BICRA: variants seen among roughly 807,000 people sequenced by gnomAD.
The protein encoded by BICRA is BRD4-interacting chromatin-remodeling complex-associated protein.
A neutral mutation model predicts 96.9 loss-of-function variants in BICRA; 31 were observed. The ratio of observed to expected loss-of-function variants is 0.32; its 90% CI spans 0.24 to 0.43. The LOEUF (loss-of-function observed/expected upper bound fraction) is 0.43, where lower values mean the gene tolerates loss of function less well. Among genes scored for constraint, BICRA ranks in the 20% least tolerant of loss-of-function variants. The pLI is 1.00. For synonymous variants in BICRA, 1,350 were observed against 1,071.8 expected, an observed-to-expected ratio of 1.26 and a Z score of -5.07; for missense variants, 2,283 against 2,190.3, an observed-to-expected ratio of 1.04 and a Z score of -0.84.
chr19:47,670,959 A>C (rs10420569), intron 2 of BICRA, among the ~76,000 whole-genome samples: 1 of 151,520 alleles, frequency 6.6e-6, no homozygotes, highest in East Asian at 2.0e-4. Flanking sequence ...CCCGGGAGGC[A>C]CCTCCCCGGG....
At chr19:47,650,663 G>C (rs1014788587) in intron 1 of BICRA, among the ~76,000 whole-genome samples, 1 of 152,204 alleles carries the variant, frequency 6.6e-6, no homozygotes, top group Non-Finnish European at 1.5e-5. Flanking sequence ...GCCCATAGCT[G>C]CCACTTCAGT....
Position 47,680,992 on chromosome 19 carries a change from C to T in BICRA, c.1822C>T (p.Pro608Ser). The change falls in exon 6 of 15, where the codon CCT becomes TCT. Residue 608 changes from proline (P) to serine (S), a missense_variant. Pro to Ser is a moderately conservative substitution (Grantham distance 74). Transcript: ENST00000594866. Reference sequence around the variant, plus strand: ...CGACGGCCTGGTGCAGCCGGCCACCCCTGCCGCTGCCACCGGGGAGGCCGC... The same window carrying T: ...CGACGGCCTGGTGCAGCCGGCCACCTCTGCCGCTGCCACCGGGGAGGCCGC... ...TPDGLVQPAT[P>S]AAATGEAAPV... 6.8e-7 allele frequency: 1 copy of T among 1,461,574 alleles called. No individual in the cohort carries two copies. The highest frequency in any genetic ancestry group is 9.0e-7 in the Non-Finnish European group (1 of 1,115,916). The allele number at this position is 1,461,574 out of a possible 1,614,324, so 90.5% of individuals were successfully genotyped here. A position where few individuals can be genotyped will look rare whatever the true frequency, so the allele number is the denominator to read the frequency against.
Position 47,699,032 on chromosome 19 carries a change from T to C in BICRA, c.3465T>C (p.Tyr1155=), listed in dbSNP as rs761580518. 2.6e-5 allele frequency: 41 copies of C among 1,580,704 alleles called. No homozygotes were observed. Among genetic ancestry groups the C allele is most frequent in the Non-Finnish European group, 3.2e-5 (37 of 1,164,004 alleles). Residue 1155 remains tyrosine, a synonymous_variant, in exon 13 of 15, where the codon TAT becomes TAC. Coordinates refer to ENST00000594866, the MANE Select transcript of BICRA (RefSeq NM_001394372.1). This position sits in a 1 kb window ranked among gnomAD's most constrained non-coding sequence, Gnocchi z 5.0. The part of the protein sequence containing the change: ...LKRTQAMLNK[Y]RLLLLEESRR... ...GCACCCAGGCCATGCTCAATAAATA[T>C]CGGCTCCTGCTCCTGGAGGAGTCCC...
rs562607571 is a variant in BICRA at position 47,644,302 on chromosome 19, G to A, written c.-107-26141G>A. ...AGGCTCCCACGGTGTTGGGATTACA[G>A]GTGTGAGCCACTGCACCTGGCCCAG... On this transcript the variant is annotated intron_variant, in intron 1 of 14. Transcript: ENST00000594866. Among the ~76,000 whole-genome samples, 3 of 152,068 alleles carry A rather than the reference G, an allele frequency of 2.0e-5. No individual in the cohort carries two copies. In the East Asian group the frequency reaches 5.8e-4, roughly 29 times the overall value.
chr19:47,660,534 T>G (rs1481548183), intron 1 of BICRA, among the ~76,000 whole-genome samples: 1 of 152,212 alleles, frequency 6.6e-6, no homozygotes, highest in Non-Finnish European at 1.5e-5. Flanking sequence ...AGAGCTTAAC[T>G]TCTAGGCGTC....
Position 47,694,320 on chromosome 19 carries a change from C to T in BICRA, c.2489C>T (p.Thr830Ile). 8.8e-7 allele frequency: 1 copy of T among 1,139,998 alleles called. No individual in the cohort carries two copies. Among genetic ancestry groups the T allele is most frequent in the East Asian group, 2.6e-5 (1 of 38,036 alleles). 70.6% of individuals were successfully genotyped at this position (1,139,998 alleles called of 1,614,324 possible). A position where few individuals can be genotyped will look rare whatever the true frequency, so the allele number is the denominator to read the frequency against. ...TGCCCCCCACCCCAGGCCCCCCCAA[C>T]TCTGCCTGGCATCTTTGTCATCCAA... ...HPCPPPQAPP[T>I]LPGIFVIQNQ... The change falls in exon 8 of 15, where the codon ACT becomes ATT. Residue 830 changes from threonine to isoleucine, a missense_variant. By Grantham distance (89) the Thr-to-Ile change is moderately conservative. Transcript: ENST00000594866.
intron 7 of BICRA, among the ~76,000 whole-genome samples, chr19:47,693,301 C>G (rs1973268178): frequency 6.6e-6 from 1 of 152,248 alleles, no homozygotes; most frequent in Non-Finnish European, 1.5e-5. Flanking sequence ...TGTGACAGAA[C>G]TAGCACCAGA....
intron 1 of BICRA, among the ~76,000 whole-genome samples, chr19:47,650,005 A>G (rs2123547084): frequency 6.6e-6 from 1 of 152,196 alleles, no homozygotes; most frequent in African/African-American, 2.4e-5. Context: ...GAACTGGAGT[A>G]CAGTGGCACA....
At chr19:47,630,470 C>T (rs1023435272) in intron 1 of BICRA, among the ~76,000 whole-genome samples, 23 of 152,070 alleles carry the variant, frequency 1.5e-4, no homozygotes, top group Admixed American at 5.2e-4. Context: ...CTGCGCCCGG[C>T]CTATATTGGC....
chr19:47,657,317 T>TGTG (rs1248647499), intron 1 of BICRA, among the ~76,000 whole-genome samples: 2 of 152,208 alleles, frequency 1.3e-5, no homozygotes, highest in Non-Finnish European at 2.9e-5. Context: ...GTCGTGTGGA[T>TGTG]GTAACAGTGT....
At chr19:47,623,849 T>C (rs1385303973) in intron 1 of BICRA, among the ~76,000 whole-genome samples, 129 of 149,266 alleles carry the variant, frequency 8.6e-4, no homozygotes, top group Admixed American at 1.7e-3. Context: ...TCTCTCTCTT[T>C]TTTTTTTTTT....
chr19:47,631,592 T>A (rs1972223046), intron 1 of BICRA, among the ~76,000 whole-genome samples: 1 of 152,204 alleles, frequency 6.6e-6, no homozygotes, highest in South Asian at 2.1e-4. Flanking sequence ...CTCAAACTCC[T>A]GGCCTCAAGT....
At chr19:47,700,981 G>C (rs1367068001) in intron 14 of BICRA, 3 of 356,744 alleles carry the variant, frequency 8.4e-6, no homozygotes, top group African/African-American at 6.5e-5. Flanking sequence ...TCTCACTACT[G>C]TGGCCAGGCA....
At chr19:47,617,033 G>T (rs1403974113) in intron 1 of BICRA, among the ~76,000 whole-genome samples, 1 of 152,014 alleles carries the variant, frequency 6.6e-6, no homozygotes, top group Non-Finnish European at 1.5e-5. Context: ...TGGCCATGTT[G>T]GCCAGGCTAG....
rs750154247 is a variant in BICRA at position 47,701,788 on chromosome 19, A to ACCG, written c.4062_4064dup (p.Pro1355dup). The ACCG allele has an allele frequency of 1.3e-6, 2 of 1,530,390 alleles. No individual in the cohort carries two copies. Among genetic ancestry groups the ACCG allele is most frequent in the South Asian group, 1.2e-5 (1 of 83,454 alleles). The allele number at this position is 1,530,390 out of a possible 1,614,324, so 94.8% of individuals were successfully genotyped here. On this transcript the variant is annotated inframe_insertion, in exon 15 of 15. Transcript: ENST00000594866. This position sits in a 1 kb window ranked among gnomAD's most constrained non-coding sequence, Gnocchi z 5.4. ...AGCCCCCGCCACGGCCGCCACCACC[A>ACCG]CCGCCGCCCACGGGCCAGATGAACG...
intron 1 of BICRA, among the ~76,000 whole-genome samples, chr19:47,611,049 T>C (rs1971899137): frequency 6.6e-6 from 1 of 152,140 alleles, no homozygotes; most frequent in African/African-American, 2.4e-5. Context: ...GACATTCCCG[T>C]TTTCCAGACA....
intron 1 of BICRA, among the ~76,000 whole-genome samples, chr19:47,615,484 T>G (rs1971969920): frequency 1.3e-5 from 2 of 152,202 alleles, no homozygotes; most frequent in Admixed American, 1.3e-4. Context: ...GAGCGTGGGC[T>G]CTGGGCCCTG....
In BICRA at chr19:47,654,315, A is replaced by G. The variant is rs146225753; in HGVS notation, c.-107-16128A>G. Among the ~76,000 whole-genome samples the G allele has an allele frequency of 5.9e-5, 9 of 151,932 alleles. No individual in the cohort carries two copies. The East Asian group carries it at 1.7e-3, about 29-fold the overall frequency. The stretch of plus-strand genomic sequence containing the variant: ...TGAGTATCTTGTCATGGCCATTTGT[A>G]TACCTCTTTCTTTTTTGTACAGCTG... On this transcript the variant is annotated intron_variant, in intron 1 of 14. Coordinates refer to ENST00000594866, the MANE Select transcript of BICRA (RefSeq NM_001394372.1).
Position 47,681,219 on chromosome 19 carries a change from C to G in BICRA, c.2049C>G (p.Pro683=). ...AGAAGATCGTCCTGGGGCAGCCGCC[C>G]TCTGCCACCCCCACGGCCATCCTCA... is the stretch of plus-strand genomic sequence containing the variant. ...SPEKIVLGQP[P]SATPTAILTQ... is the part of the protein sequence containing the mutation. The change falls in exon 6 of 15, where the codon CCC becomes CCG. Residue 683 remains proline (P), a synonymous_variant. Coordinates refer to ENST00000594866, the MANE Select transcript of BICRA (RefSeq NM_001394372.1). 6.5e-7 allele frequency: 1 copy of G among 1,535,740 alleles called. No homozygotes were observed.
Sources: allele counts gnomAD v4.1 joint callset (sites outside exome capture counted in the v4.1 genomes callset), GRCh38; gene constraint gnomAD v4.1.1; non-coding constraint Gnocchi (gnomAD v3.1); transcripts MANE v1.5; gene names NCBI Gene and HGNC (gene_info 2026-07-23, HGNC 2026-07-21).